Variants in ZNF724 observed in about 807,000 individuals in gnomAD.
ZNF724 encodes zinc finger protein 724.
A neutral mutation model predicts 29.3 loss-of-function variants in ZNF724; 14 were observed. The observed-to-expected ratio is 0.48, with a 90% CI of 0.32 to 0.75. The LOEUF (loss-of-function observed/expected upper bound fraction) is 0.75, where lower values mean the gene tolerates loss of function less well. Ranked by LOEUF, ZNF724 falls within the 30% of genes least tolerant of loss-of-function variation. The pLI, the probability that ZNF724 is intolerant of heterozygous loss-of-function variation, is 0.04. For synonymous variants in ZNF724, 180 were observed against 193.6 expected (o/e 0.93, Z 0.58); for missense variants, 557 against 571.2 (o/e 0.98, Z 0.25).
chr19:23,229,558 G>C (rs1022452014), intron 3 of ZNF724, among the ~76,000 whole-genome samples: 1 of 152,208 alleles, frequency 6.6e-6, no homozygotes, highest in Non-Finnish European at 1.5e-5. Flanking sequence ...AACCTGCCTA[G>C]TGTCTGCCCT....
At chr19:23,231,233 T>C (rs763902246) in intron 3 of ZNF724, 33 bp downstream of exon 3, 42 of 1,251,348 alleles carry the variant, frequency 3.4e-5, no homozygotes, top group Admixed American at 1.8e-4. Context: ...GGACCTCTCA[T>C]CTGTGTCATC....
chr19:23,249,689 G>A (rs1330235226), intron 1 of ZNF724, among the ~76,000 whole-genome samples: 1 of 152,066 alleles, frequency 6.6e-6, no homozygotes, highest in Non-Finnish European at 1.5e-5. Context: ...GCAGGCCACT[G>A]TGCCAGACTA....
At chr19:23,241,231 AC>A (rs1972118677) in intron 1 of ZNF724, among the ~76,000 whole-genome samples, 1 of 152,184 alleles carries the variant, frequency 6.6e-6, no homozygotes, top group Non-Finnish European at 1.5e-5. Context: ...TAGATCAATA[AC>A]AAGCTCCAAA....
chr19:23,221,885 TGATATTTTAA>T lies in ZNF724; in HGVS notation c.*490_*499del, dbSNP rs1452237209. On this transcript the variant is annotated 3_prime_UTR_variant, in exon 4 of 4. Coordinates refer to ENST00000418100, the MANE Select transcript of ZNF724 (RefSeq NM_001355404.2). Reference sequence around the variant, plus strand: ...AGCCACCATGCCCAGCTTACACTCTTGATATTTTAATGCTTGTCTTCAAAATAAATACTCT... The same window carrying T: ...AGCCACCATGCCCAGCTTACACTCTTTGCTTGTCTTCAAAATAAATACTCT... The T allele has an allele frequency of 8.8e-6, 1 of 113,626 alleles. No homozygotes were observed. Among genetic ancestry groups the T allele is most frequent in the African/African-American group, 3.5e-5 (1 of 28,744 alleles). 7.0% of individuals were successfully genotyped at this position (113,626 alleles called of 1,614,324 possible).
Position 23,222,511 on chromosome 19 carries a change from A to C in ZNF724, c.1734T>G (p.Thr578=). Residue 578 remains threonine (T), a synonymous_variant, in exon 4 of 4, where the codon ACT becomes ACG. Coordinates refer to ENST00000418100, the MANE Select transcript of ZNF724 (RefSeq NM_001355404.2). ...GKAFNWSSTL[T]KHKVIHTGEK... is the part of the protein sequence containing the mutation. Reference sequence around the variant, plus strand: ...CTCCAGTATGAATTACCTTATGTTTAGTCAGAGTTGAGGACCAATTAAAGG... The same window carrying C: ...CTCCAGTATGAATTACCTTATGTTTCGTCAGAGTTGAGGACCAATTAAAGG... 7.6e-7 allele frequency: 1 copy of C among 1,321,768 alleles called. No homozygotes were observed. The allele number at this position is 1,321,768 out of a possible 1,614,324, so 81.9% of individuals were successfully genotyped here.
In ZNF724 at chr19:23,223,559, T is replaced by C. The variant is rs753498871; in HGVS notation, c.686A>G (p.Glu229Gly). ...CTTGTTAAAGGCTATGCCACATTCTTCACATTTGTAGTGTTTTTGTCCTGT... is the reference window on the plus strand; with the variant it reads ...CTTGTTAAAGGCTATGCCACATTCTCCACATTTGTAGTGTTTTTGTCCTGT... ...IHTGQKHYKC[E>G]ECGIAFNKSS... The change falls in exon 4 of 4, where the codon GAA (glutamate) becomes GGA (glycine). Residue 229 changes from glutamate to glycine, a missense_variant. Transcript: ENST00000418100. The C allele has an allele frequency of 1.4e-6, 1 of 727,932 alleles. No homozygotes were observed. The highest frequency in any genetic ancestry group is 1.7e-5 in the African/African-American group (1 of 57,622). The allele number at this position is 727,932 out of a possible 1,614,324, so 45.1% of individuals were successfully genotyped here.
chr19:23,222,740 C>T lies in ZNF724; in HGVS notation c.1505G>A (p.Gly502Glu). 1 of 1,422,582 alleles carries T rather than the reference C, an allele frequency of 7.0e-7. No individual in the cohort carries two copies. The highest frequency in any genetic ancestry group is 9.9e-7 in the Non-Finnish European group (1 of 1,007,942). 88.1% of individuals were successfully genotyped at this position (1,422,582 alleles called of 1,614,324 possible). A position where few individuals can be genotyped will look rare whatever the true frequency, so the allele number is the denominator to read the frequency against. Residue 502 changes from glycine (G) to glutamate (E), a missense_variant, in exon 4 of 4, where the codon GGA (glycine) becomes GAA (glutamate). Transcript: ENST00000418100. ...TTCTTTACATTTGTAGGGTTTCTCT[C>T]CAGTATGAATTTTCTTATGTGTTGT... ...HLTTHKKIHT[G>E]EKPYKCKECG...
rs939810232 is a variant in ZNF724 at position 23,223,036 on chromosome 19, A to G, written c.1209T>C (p.Phe403=). 7.6e-7 allele frequency: 1 copy of G among 1,316,858 alleles called. No homozygotes were observed. Among genetic ancestry groups the G allele is most frequent in the Non-Finnish European group, 1.1e-6 (1 of 910,640 alleles). 81.6% of individuals were successfully genotyped at this position (1,316,858 alleles called of 1,614,324 possible). ...PYKCEECGKA[F]NTSSHLTTHK... ...GTGTGGTGAGGTGTGAGGATGTGTTAAAGGCTTTGCCACATTCTTCACATT... is the reference window on the plus strand; with the variant it reads ...GTGTGGTGAGGTGTGAGGATGTGTTGAAGGCTTTGCCACATTCTTCACATT... Residue 403 remains phenylalanine (F), a synonymous_variant, in exon 4 of 4, where the codon TTT becomes TTC. Coordinates refer to ENST00000418100, the MANE Select transcript of ZNF724 (RefSeq NM_001355404.2).
chr19:23,226,820 CATTT>C (rs1971836836), intron 3 of ZNF724, among the ~76,000 whole-genome samples: 1 of 151,996 alleles, frequency 6.6e-6, no homozygotes, highest in Non-Finnish European at 1.5e-5. Context: ...ACATATAGCT[CATTT>C]ATTTCTTAAT....
intron 3 of ZNF724, among the ~76,000 whole-genome samples, chr19:23,227,538 AGAGT>A (rs898891086): frequency 2.6e-4 from 33 of 124,652 alleles, no homozygotes; most frequent in African/African-American, 7.3e-4. Context: ...CCTGGGCAAC[AGAGT>A]GAGGCTCCAT....
In ZNF724 at chr19:23,250,260, A is replaced by G; in HGVS notation, c.-18T>C. Reference sequence around the variant, plus strand: ...CTCACCATTTCTAGGCTTCCAGGGGAGGCCCTGGCGTCTTAGCTGTGGATC... The same window carrying G: ...CTCACCATTTCTAGGCTTCCAGGGGGGGCCCTGGCGTCTTAGCTGTGGATC... On this transcript the variant is annotated 5_prime_UTR_variant, in exon 1 of 4. Coordinates refer to ENST00000418100, the MANE Select transcript of ZNF724 (RefSeq NM_001355404.2). 1 of 684,508 alleles carries G rather than the reference A, an allele frequency of 1.5e-6. No individual in the cohort carries two copies. The highest frequency in any genetic ancestry group is 2.5e-6 in the Non-Finnish European group (1 of 393,544). The allele number at this position is 684,508 out of a possible 1,614,324, so 42.4% of individuals were successfully genotyped here.
chr19:23,230,962 C>A (rs541620862), intron 3 of ZNF724: 98 of 178,276 alleles, frequency 5.5e-4, no homozygotes, highest in Non-Finnish European at 8.6e-4. Flanking sequence ...CAGCTCACCA[C>A]AACCTCTGCC....
intron 1 of ZNF724, among the ~76,000 whole-genome samples, chr19:23,241,529 T>C (rs1972124290): frequency 6.6e-6 from 1 of 152,088 alleles, no homozygotes; most frequent in African/African-American, 2.4e-5. Context: ...CAGCAGCACA[T>C]CAAAAAGCTA....
At chr19:23,238,124 G>C (rs1406086030) in intron 1 of ZNF724, among the ~76,000 whole-genome samples, 3 of 152,160 alleles carry the variant, frequency 2.0e-5, no homozygotes, top group Non-Finnish European at 4.4e-5. Context: ...CCAGCACTTT[G>C]GGAGGCCGAG....
intron 1 of ZNF724, 105 bp from the exon 2 acceptor site, chr19:23,232,398 A>C: frequency 1.5e-6 from 1 of 661,116 alleles, no homozygotes; most frequent in Non-Finnish European, 2.7e-6. Context: ...TGACTTATAA[A>C]AGTGAATGAA....
intron 1 of ZNF724, among the ~76,000 whole-genome samples, chr19:23,246,040 G>C (rs1302809847): frequency 1.3e-5 from 2 of 152,010 alleles, no homozygotes; most frequent in Non-Finnish European, 2.9e-5. Flanking sequence ...GAACTAACTG[G>C]GCCTTTAATA....
rs552231006 is a variant in ZNF724, at chr19:23,248,433, C to T, written c.3+1807G>A. Among the ~76,000 whole-genome samples the T allele has an allele frequency of 5.3e-5, 8 of 152,118 alleles. No individual in the cohort carries two copies. In the South Asian group the frequency reaches 1.7e-3, roughly 32 times the overall value. The stretch of plus-strand genomic sequence containing the variant: ...GAGGTAAGGAGAACTGGGGGATACA[C>T]GGGAGACCCTGCTTGGAACACACGT... On this transcript the variant is annotated intron_variant, in intron 1 of 3. Coordinates refer to ENST00000418100, the MANE Select transcript of ZNF724 (RefSeq NM_001355404.2).
rs1193427242 is a variant in ZNF724 at position 23,224,059 on chromosome 19, C to G, written c.227-41G>C. ...ATAACAACTTACTCCACATACTAGA[C>G]TCAGATACATATTCTTTACACATCT... is the stretch of plus-strand genomic sequence containing the variant. On this transcript the variant is annotated intron_variant, in intron 3 of 3. Transcript: ENST00000418100. 8.2e-6 allele frequency: 5 copies of G among 612,242 alleles called. 1 individual carries two copies. In the South Asian group the frequency reaches 1.0e-4, roughly 13 times the overall value. The allele number at this position is 612,242 out of a possible 1,614,324, so 37.9% of individuals were successfully genotyped here. A position where few individuals can be genotyped will look rare whatever the true frequency, so the allele number is the denominator to read the frequency against.
intron 1 of ZNF724, among the ~76,000 whole-genome samples, chr19:23,235,467 A>G (rs1972009250): frequency 6.6e-6 from 1 of 152,190 alleles, no homozygotes; most frequent in African/African-American, 2.4e-5. Flanking sequence ...CCCTGCAAGC[A>G]CTGGTTTAAT....
Sources: allele counts gnomAD v4.1 joint callset (sites outside exome capture counted in the v4.1 genomes callset), GRCh38; gene constraint gnomAD v4.1.1; transcripts MANE v1.5; gene names NCBI Gene and HGNC (gene_info 2026-07-23, HGNC 2026-07-21).